Variants in SELP observed in about 807,000 individuals in gnomAD.
The protein encoded by SELP is P-selectin.
A neutral mutation model predicts 104.1 loss-of-function variants in SELP; 92 were observed. That is an observed-to-expected ratio of 0.88 (90% CI 0.75 to 1.05). The LOEUF is 1.05. Among genes scored for constraint, SELP ranks in the 50% least tolerant of loss-of-function variants. The probability of loss-of-function intolerance (pLI) is 0.00; values close to 1 mark genes in which losing one functional copy is unlikely to be tolerated. For synonymous variants in SELP, 397 were observed against 364.5 expected, an observed-to-expected ratio of 1.09 and a Z score of -1.01; for missense variants, 1,022 against 1,017.3, an observed-to-expected ratio of 1.00 and a Z score of -0.06.
Position 169,596,981 on chromosome 1 carries a change from ATAT to A in SELP, c.1891+7_1891+9del. ...AAAGTAGAACTGTCTTAGCAAGTACATATTATTACCTTTGCAGGTTGGTGGAGT... is the reference window on the plus strand; with the variant it reads ...AAAGTAGAACTGTCTTAGCAAGTACATATTACCTTTGCAGGTTGGTGGAGT... On this transcript the variant is annotated splice_region_variant and intron_variant, in intron 11 of 16. Coordinates refer to ENST00000263686, the MANE Select transcript of SELP (RefSeq NM_003005.4). 1 of 1,604,720 alleles carries A rather than the reference ATAT, an allele frequency of 6.2e-7. No individual in the cohort carries two copies.
chr1:169,630,086 C>T lies in SELP; in HGVS notation c.-12G>A. The T allele has an allele frequency of 6.2e-7, 1 of 1,614,212 alleles. No individual in the cohort carries two copies. The highest frequency in any genetic ancestry group is 1.1e-5 in the South Asian group (1 of 91,084). On this transcript the variant is annotated 5_prime_UTR_variant, in exon 1 of 17. Coordinates refer to ENST00000263686, the MANE Select transcript of SELP (RefSeq NM_003005.4). Reference sequence around the variant, plus strand: ...AATAAACTCACCATCTCCTCTGTGACTCTGCTGGTTTTCTGCCTTCTGCCC... The same window carrying T: ...AATAAACTCACCATCTCCTCTGTGATTCTGCTGGTTTTCTGCCTTCTGCCC...
Position 169,613,680 on chromosome 1 carries a change from G to T in SELP, c.495C>A (p.Asp165Glu), listed in dbSNP as rs1178564020. The change falls in exon 4 of 17, where the codon GAC (aspartate) becomes GAA (glutamate). Residue 165 changes from aspartate to glutamate, a missense_variant. Asp to Glu is a conservative substitution (Grantham distance 45). Coordinates refer to ENST00000263686, the MANE Select transcript of SELP (RefSeq NM_003005.4). ...ACTCTCCTTGTTTGCTGCAGGACATGTCCTGGCAGGAGGCTGCATAGATAT... is the reference window on the plus strand; with the variant it reads ...ACTCTCCTTGTTTGCTGCAGGACATTTCCTGGCAGGAGGCTGCATAGATAT... ...HALCYTASCQDMSCSKQGECL... is the reference protein window; with the variant it reads ...HALCYTASCQEMSCSKQGECL... The T allele has an allele frequency of 6.2e-7, 1 of 1,613,666 alleles. No individual in the cohort carries two copies. Among genetic ancestry groups the T allele is most frequent in the Non-Finnish European group, 8.5e-7 (1 of 1,179,706 alleles).
intron 15 of SELP, 129 bp downstream of exon 15, chr1:169,591,297 A>T: frequency 1.8e-6 from 1 of 561,126 alleles, no homozygotes; most frequent in Non-Finnish European, 3.2e-6. Context: ...TTCAGAGTAG[A>T]AAAGAAGACA....
At chr1:169,616,892 T>C (rs187280930) in intron 3 of SELP, 136 bp downstream of exon 3, 36 of 913,880 alleles carry the variant, frequency 3.9e-5, no homozygotes, top group Non-Finnish European at 5.2e-5. Flanking sequence ...ATAATACTGA[T>C]TGACTAACAA....
rs200005956 is a variant in SELP, at chr1:169,596,071, G to T, written c.1955C>A (p.Thr652Asn). Residue 652 changes from threonine (T) to asparagine (N), a missense_variant, in exon 12 of 17, where the codon ACC (threonine) becomes AAC (asparagine). By Grantham distance (65) the Thr-to-Asn change is moderately conservative (BLOSUM62 0). Transcript: ENST00000263686. Reference sequence around the variant, plus strand: ...TCCCGGATGATGCCTACAGTACATGGTTCCCTGCCCAGGAGTGGTGAGGGC... The same window carrying T: ...TCCCGGATGATGCCTACAGTACATGTTTCCCTGCCCAGGAGTGGTGAGGGC... ...CPALTTPGQGTMYCRHHPGTF... is the reference protein window; with the variant it reads ...CPALTTPGQGNMYCRHHPGTF... 33 of 1,613,934 alleles carry T rather than the reference G, an allele frequency of 2.0e-5. No homozygotes were observed. The highest frequency in any genetic ancestry group is 2.8e-5 in the Non-Finnish European group (33 of 1,179,852).
In SELP at chr1:169,619,239, C is replaced by G. The variant is rs1389751220; in HGVS notation, c.4-20G>C. On this transcript the variant is annotated intron_variant, in intron 1 of 16. Transcript: ENST00000263686. Reference sequence around the variant, plus strand: ...GTTGGCCTGAAACAAGAAGAGAAAACTTTCTTTTAGTATCCATACACCACC... The same window carrying G: ...GTTGGCCTGAAACAAGAAGAGAAAAGTTTCTTTTAGTATCCATACACCACC... 1 of 1,597,470 alleles carries G rather than the reference C, an allele frequency of 6.3e-7. No homozygotes were observed. The highest frequency in any genetic ancestry group is 1.7e-5 in the Admixed American group (1 of 59,890).
chr1:169,621,727 C>T (rs903914673), intron 1 of SELP, among the ~76,000 whole-genome samples: 14 of 152,132 alleles, frequency 9.2e-5, no homozygotes, highest in Non-Finnish European at 4.4e-5. Context: ...ATTTTGTGTT[C>T]TTATAAGCTG....
At position 169,612,271 on chromosome 1, in the gene SELP, C is replaced by G. The variant is rs1161626631; in HGVS notation, c.907G>C (p.Val303Leu). The change falls in exon 6 of 17, where the codon GTG (valine) becomes CTG (leucine). Residue 303 changes from valine to leucine, a missense_variant. Coordinates refer to ENST00000263686, the MANE Select transcript of SELP (RefSeq NM_003005.4). ...EEGFALVGPE[V>L]VQCTASGVWT... Reference sequence around the variant, plus strand: ...ACCCCCGAGGCTGTGCATTGCACCACTTCCGGTCCAACTAATGCAAATCCC... The same window carrying G: ...ACCCCCGAGGCTGTGCATTGCACCAGTTCCGGTCCAACTAATGCAAATCCC... 1.1e-5 allele frequency: 18 copies of G among 1,614,026 alleles called. No homozygotes were observed. Among genetic ancestry groups the G allele is most frequent in the Non-Finnish European group, 1.5e-5 (18 of 1,180,016 alleles).
chr1:169,601,509 G>A (rs976784436), intron 10 of SELP, among the ~76,000 whole-genome samples: 3 of 152,198 alleles, frequency 2.0e-5, no homozygotes, highest in African/African-American at 7.2e-5. Flanking sequence ...TGTGTAACAC[G>A]AATAGATTTC....
chr1:169,596,916 A>T, intron 11 of SELP, 75 bp downstream of exon 11: 23 of 1,315,808 alleles, frequency 1.7e-5, no homozygotes, highest in African/African-American at 4.6e-5. Context: ...TTCACATATA[A>T]GAACTAGATA....
rs887168409 is a variant in SELP, at chr1:169,611,602, T to C, written c.1037A>G (p.Tyr346Cys). The C allele has an allele frequency of 1.1e-5, 17 of 1,613,946 alleles. No homozygotes were observed. The highest frequency in any genetic ancestry group is 1.4e-5 in the Non-Finnish European group (17 of 1,180,004). ...DCVHPLTAFAYGSSCKFECQP... is the reference protein window; with the variant it reads ...DCVHPLTAFACGSSCKFECQP... ...GCACTCAAATTTACAGCTGGAGCCA[T>C]AGGCAAAAGCAGTGAGCGGATGAAC... The change falls in exon 7 of 17, where the codon TAT becomes TGT. Residue 346 changes from tyrosine (Y) to cysteine (C), a missense_variant. By Grantham distance (194) the Tyr-to-Cys change is radical. Coordinates refer to ENST00000263686, the MANE Select transcript of SELP (RefSeq NM_003005.4).
At chr1:169,594,952 C>T (rs563750271) in intron 12 of SELP, 75 bp from the exon 13 acceptor site, 32 of 1,331,926 alleles carry the variant, frequency 2.4e-5, no homozygotes, top group African/African-American at 2.4e-4. Flanking sequence ...CTTTTGTAAC[C>T]TAACATTGCC....
At chr1:169,602,762 C>T (rs909226189) in intron 10 of SELP, among the ~76,000 whole-genome samples, 3 of 152,190 alleles carry the variant, frequency 2.0e-5, no homozygotes, top group Non-Finnish European at 2.9e-5. Flanking sequence ...CAGGCATGCA[C>T]CACCATGCCC....
chr1:169,604,295 G>A (rs1410799596), intron 9 of SELP, among the ~76,000 whole-genome samples: 5 of 150,852 alleles, frequency 3.3e-5, no homozygotes, highest in Non-Finnish European at 7.4e-5. Flanking sequence ...TTTTGATGGG[G>A]TTGTTTGTTT....
intron 3 of SELP, among the ~76,000 whole-genome samples, chr1:169,615,121 A>C (rs1662741441): frequency 6.6e-6 from 1 of 152,208 alleles, no homozygotes; most frequent in African/African-American, 2.4e-5. Flanking sequence ...ATTCATGATG[A>C]TTCAATGAAT....
intron 2 of SELP, among the ~76,000 whole-genome samples, chr1:169,618,038 C>A (rs778576424): frequency 2.0e-5 from 3 of 152,200 alleles, no homozygotes; most frequent in Admixed American, 6.5e-5. Context: ...TCCCACAGCA[C>A]CTCATCCCTG....
chr1:169,616,206 C>T (rs1415424679), intron 3 of SELP, among the ~76,000 whole-genome samples: 1 of 152,180 alleles, frequency 6.6e-6, no homozygotes, highest in African/African-American at 2.4e-5. Flanking sequence ...CCACCACTAC[C>T]CTCCCACCAA....
chr1:169,596,006 C>T lies in SELP; in HGVS notation c.2020G>A (p.Ala674Thr), dbSNP rs780693388. ...CTGTCTCCTATGAGTGTGAATCCAG[C>T]GTTGCAGCCAAAGTAACAAGTGGTA... ...FNTTCYFGCN[A>T]GFTLIGDSTL... The change falls in exon 12 of 17, where the codon GCT becomes ACT. Residue 674 changes from alanine (A) to threonine (T), a missense_variant. Ala to Thr is a moderately conservative substitution (Grantham distance 58). Transcript: ENST00000263686. 1.4e-5 allele frequency: 23 copies of T among 1,613,788 alleles called. No homozygotes were observed. The highest frequency in any genetic ancestry group is 1.2e-4 in the Admixed American group (7 of 59,992).
chr1:169,609,155 G>A (rs1481930223), intron 8 of SELP, among the ~76,000 whole-genome samples: 1 of 152,086 alleles, frequency 6.6e-6, no homozygotes, highest in African/African-American at 2.4e-5. Flanking sequence ...ACTAGCTTAA[G>A]GACAGGAAGT....
Sources: allele counts gnomAD v4.1 joint callset (sites outside exome capture counted in the v4.1 genomes callset), GRCh38; gene constraint gnomAD v4.1.1; transcripts MANE v1.5; gene names NCBI Gene and HGNC (gene_info 2026-07-23, HGNC 2026-07-21).